UNC13C: variants seen among roughly 807,000 people sequenced by gnomAD.
UNC13C encodes protein unc-13 homolog C.
Under a neutral mutation model 245.4 loss-of-function variants are expected in UNC13C, and 174 were observed. That is an observed-to-expected ratio of 0.71 (90% CI 0.63 to 0.80). The LOEUF (loss-of-function observed/expected upper bound fraction) is 0.80, where lower values mean the gene tolerates loss of function less well. Among genes scored for constraint, UNC13C ranks in the 30% least tolerant of loss-of-function variants. The pLI is 0.00. For synonymous variants in UNC13C, 992 were observed against 895.1 expected (o/e 1.11, Z -1.93); for missense variants, 2,829 against 2,602.9 (o/e 1.09, Z -1.89).
At chr15:53,911,363 G>T in the UNC13C span, 1 of 152,190 alleles carries the variant, frequency 6.6e-6, no homozygotes. Context: ...TGAGGAGGAG[G>T]TTCCTCCACT....
intron 4 of UNC13C, among the ~76,000 whole-genome samples, chr15:54,217,982 T>G (rs1463434323): frequency 1.3e-5 from 2 of 151,950 alleles, no homozygotes; most frequent in Admixed American, 6.6e-5. Flanking sequence ...GAACCTCAAC[T>G]TTTCATTCAT....
chr15:54,488,259 T>C (rs1407421069), intron 19 of UNC13C, among the ~76,000 whole-genome samples: 5 of 152,208 alleles, frequency 3.3e-5, no homozygotes, highest in African/African-American at 1.2e-4. Context: ...GTGATAAAAT[T>C]TTGTGTTTGT....
At chr15:54,058,342 A>C (rs1412634527) in intron 2 of UNC13C, among the ~76,000 whole-genome samples, 1 of 152,234 alleles carries the variant, frequency 6.6e-6, no homozygotes, top group Non-Finnish European at 1.5e-5. Context: ...ACCTCTATGC[A>C]AATAAACTAG....
the UNC13C span, among the ~76,000 whole-genome samples, chr15:53,852,944 A>G: frequency 0.47 from 71,508 of 151,796 alleles, 17,383 homozygotes; most frequent in East Asian, 0.62. Flanking sequence ...AATAAGGGGT[A>G]ATCTTTTATG....
chr15:54,013,471 A>T lies in UNC13C; in HGVS notation c.568A>T (p.Ser190Cys), dbSNP rs779815010. 2.5e-6 allele frequency: 4 copies of T among 1,613,892 alleles called. No homozygotes were observed. Among genetic ancestry groups the T allele is most frequent in the Non-Finnish European group, 3.4e-6 (4 of 1,179,874 alleles). Residue 190 changes from serine (S) to cysteine (C), a missense_variant, in exon 2 of 33, where the codon AGT (serine) becomes TGT (cysteine). By Grantham distance (112) the Ser-to-Cys change is moderately radical. Coordinates refer to ENST00000260323, the MANE Select transcript of UNC13C (RefSeq NM_001080534.3). ...ACGAAAACTGAGAAAATGGAAAAAG[A>T]GTCAAGAATGTGTCTCCTCAGACTC... ...ALRKLRKWKK[S>C]QECVSSDSEL...
At chr15:54,372,250 A>G (rs1454878110) in intron 17 of UNC13C, among the ~76,000 whole-genome samples, 1 of 152,122 alleles carries the variant, frequency 6.6e-6, no homozygotes, top group Admixed American at 6.6e-5. Context: ...GTATAAAATT[A>G]AAAAATATAG....
At chr15:54,506,532 G>A (rs1222044401) in intron 22 of UNC13C, among the ~76,000 whole-genome samples, 1 of 152,032 alleles carries the variant, frequency 6.6e-6, no homozygotes, top group Non-Finnish European at 1.5e-5. Flanking sequence ...CTTCAACGAA[G>A]TATTGATTTT....
At chr15:54,392,473 G>A (rs140665045) in intron 17 of UNC13C, among the ~76,000 whole-genome samples, 37 of 152,100 alleles carry the variant, frequency 2.4e-4, no homozygotes, top group Middle Eastern at 6.8e-3. Context: ...AAATTTGTGC[G>A]TAAGAAGGGA....
At chr15:54,246,112 T>G (rs1021444661) in intron 7 of UNC13C, among the ~76,000 whole-genome samples, 2 of 152,186 alleles carry the variant, frequency 1.3e-5, no homozygotes, top group African/African-American at 4.8e-5. Flanking sequence ...TCTTTTTAGT[T>G]TCTTCAGGTA....
intron 1 of UNC13C, among the ~76,000 whole-genome samples, chr15:53,989,671 T>C (rs528007412): frequency 2.4e-4 from 36 of 152,196 alleles, no homozygotes; most frequent in Middle Eastern, 3.4e-3. Flanking sequence ...GAACGAGCTT[T>C]TTGTTTTCAG....
chr15:54,265,091 G>A (rs1293825281), intron 9 of UNC13C, among the ~76,000 whole-genome samples: 1 of 151,954 alleles, frequency 6.6e-6, no homozygotes, highest in Non-Finnish European at 1.5e-5. Context: ...GCAGTAATGT[G>A]TATGAGTATA....
At chr15:54,552,248 A>T (rs1466425069) in intron 28 of UNC13C, among the ~76,000 whole-genome samples, 1 of 136,176 alleles carries the variant, frequency 7.3e-6, no homozygotes, top group Admixed American at 8.6e-5. Flanking sequence ...ATATATAATT[A>T]TATTATATAT....
At chr15:54,533,887 A>G (rs74016657) in intron 26 of UNC13C, among the ~76,000 whole-genome samples, 189 of 152,368 alleles carry the variant, frequency 1.2e-3, no homozygotes, top group African/African-American at 4.2e-3. Context: ...ACTCAAAACC[A>G]GAACTGAATG....
chr15:54,009,366 CT>C (rs1895278942), intron 1 of UNC13C, among the ~76,000 whole-genome samples: 1 of 152,154 alleles, frequency 6.6e-6, no homozygotes, highest in Non-Finnish European at 1.5e-5. Context: ...TTTCACTACT[CT>C]TCTCAGCACT....
chr15:54,394,462 C>T (rs575529537), intron 18 of UNC13C, among the ~76,000 whole-genome samples: 17 of 151,748 alleles, frequency 1.1e-4, no homozygotes, highest in Non-Finnish European at 2.1e-4. Flanking sequence ...TATAACATGT[C>T]GTCATCGCAT....
intron 2 of UNC13C, among the ~76,000 whole-genome samples, chr15:54,017,952 G>C (rs1159994708): frequency 1.3e-5 from 2 of 152,110 alleles, no homozygotes; most frequent in Non-Finnish European, 2.9e-5. Context: ...CTGTCCTAGA[G>C]GAAATCAGCA....
intron 4 of UNC13C, among the ~76,000 whole-genome samples, chr15:54,179,544 A>G (rs2033728128): frequency 6.6e-6 from 1 of 152,096 alleles, no homozygotes; most frequent in Admixed American, 6.6e-5. Context: ...AAGATACTAT[A>G]AATATAATTA....
intron 29 of UNC13C, among the ~76,000 whole-genome samples, chr15:54,558,672 T>G (rs1314925825): frequency 6.6e-6 from 1 of 151,988 alleles, no homozygotes; most frequent in Non-Finnish European, 1.5e-5. Flanking sequence ...GTCAAGAGTG[T>G]CAAATATGGC....
chr15:54,185,705 G>C (rs1013604586), intron 4 of UNC13C, among the ~76,000 whole-genome samples: 1 of 149,392 alleles, frequency 6.7e-6, no homozygotes, highest in Non-Finnish European at 1.5e-5. Context: ...CAGGTAGCGT[G>C]ATGCCTCCAG....
Sources: gnomAD v4.1 joint callset for allele counts (sites outside exome capture counted in the v4.1 genomes callset) on GRCh38, gnomAD v4.1.1 for gene constraint, MANE v1.5 for transcripts, NCBI Gene and HGNC (gene_info 2026-07-23, HGNC 2026-07-21) for gene names.